The following TRAPPC9 variants were observed in gnomAD, a reference collection of about 807,000 sequenced individuals.
TRAPPC9 encodes the protein IKK2 binding protein.
A neutral mutation model predicts 124.0 loss-of-function variants in TRAPPC9; 83 were observed. The ratio of observed to expected loss-of-function variants is 0.67; its 90% CI spans 0.56 to 0.80. TRAPPC9 has a LOEUF of 0.80. Ranked by LOEUF, TRAPPC9 falls within the 30% of genes least tolerant of loss-of-function variation. The probability of loss-of-function intolerance (pLI) is 0.00; values close to 1 mark genes in which losing one functional copy is unlikely to be tolerated. For synonymous variants in TRAPPC9, 638 were observed against 617.5 expected (o/e 1.03, Z -0.49); for missense variants, 1,302 against 1,508.3 (o/e 0.86, Z 2.27).
intron 19 of TRAPPC9, among the ~76,000 whole-genome samples, chr8:139,913,614 G>A (rs979499372): frequency 2.0e-5 from 3 of 152,164 alleles, no homozygotes; most frequent in African/African-American, 4.8e-5. Flanking sequence ...TTGTGTTAAC[G>A]GCCAACTGCT....
chr8:139,842,746 C>T (rs374929322), intron 21 of TRAPPC9, among the ~76,000 whole-genome samples: 38 of 152,290 alleles, frequency 2.5e-4, no homozygotes, highest in South Asian at 2.5e-3. Flanking sequence ...TGCCCATAGA[C>T]GGGCTCAGGG....
chr8:140,196,977 T>TGA (rs77134414), intron 17 of TRAPPC9, among the ~76,000 whole-genome samples: 3 of 151,990 alleles, frequency 2.0e-5, no homozygotes, highest in African/African-American at 7.2e-5. Context: ...AAATGTCATT[T>TGA]TATCTTTTAT....
chr8:140,335,354 CAT>C (rs1361757288), intron 9 of TRAPPC9, among the ~76,000 whole-genome samples: 3 of 152,134 alleles, frequency 2.0e-5, no homozygotes, highest in African/African-American at 4.8e-5. Flanking sequence ...GAAATCCCCA[CAT>C]GAGAGAAACT....
At chr8:140,115,309 C>T (rs1251616971) in intron 17 of TRAPPC9, among the ~76,000 whole-genome samples, 1 of 151,612 alleles carries the variant, frequency 6.6e-6, no homozygotes, top group East Asian at 1.9e-4. Flanking sequence ...GCTCTGTCGC[C>T]CAGGCTGGAG....
intron 8 of TRAPPC9, among the ~76,000 whole-genome samples, chr8:140,364,045 C>T (rs1049598127): frequency 2.6e-5 from 4 of 151,974 alleles, no homozygotes; most frequent in African/African-American, 9.7e-5. Flanking sequence ...AGGACCTCTC[C>T]GAAGAAATGG....
At chr8:140,267,779 G>C (rs2064733089) in intron 15 of TRAPPC9, among the ~76,000 whole-genome samples, 1 of 152,142 alleles carries the variant, frequency 6.6e-6, no homozygotes, top group South Asian at 2.1e-4. Flanking sequence ...CGATTCTCCT[G>C]CCTCAGCCTC....
At chr8:140,033,677 T>TGTTTTTTTTTTTTTTTTTTTTTTG (rs1473241600) in intron 17 of TRAPPC9, among the ~76,000 whole-genome samples, 1 of 100,240 alleles carries the variant, frequency 1.0e-5, no homozygotes, top group Non-Finnish European at 2.0e-5. Context: ...TTTTTTTTTT[T>TGTTTTTTTTTTTTTTTTTTTTTTG]TTTTTTTTTT....
intron 17 of TRAPPC9, among the ~76,000 whole-genome samples, chr8:140,027,141 C>T (rs1293607356): frequency 1.3e-5 from 2 of 152,198 alleles, no homozygotes; most frequent in African/African-American, 4.8e-5. Flanking sequence ...TTTTCAAACA[C>T]TTCCTGGGTA....
chr8:140,344,317 AAGC>A (rs2132076683), intron 9 of TRAPPC9, among the ~76,000 whole-genome samples: 1 of 152,310 alleles, frequency 6.6e-6, no homozygotes, highest in Admixed American at 6.5e-5. Context: ...TATTTTGTTA[AAGC>A]AACCAGTAAA....
intron 17 of TRAPPC9, among the ~76,000 whole-genome samples, chr8:140,069,705 G>A (rs1227482069): frequency 1.3e-5 from 2 of 152,126 alleles, no homozygotes; most frequent in Non-Finnish European, 2.9e-5. Flanking sequence ...GTGCACATGA[G>A]ACATGAGAGG....
intron 17 of TRAPPC9, among the ~76,000 whole-genome samples, chr8:140,032,067 A>T (rs1452569075): frequency 6.6e-6 from 1 of 152,210 alleles, no homozygotes; most frequent in African/African-American, 2.4e-5. Flanking sequence ...ACCTGCACTT[A>T]CGCTCCAGCC....
At chr8:140,208,022 C>T (rs920380217) in intron 17 of TRAPPC9, among the ~76,000 whole-genome samples, 2 of 151,956 alleles carry the variant, frequency 1.3e-5, no homozygotes, top group African/African-American at 2.4e-5. Flanking sequence ...GTGGTGCACA[C>T]GCATGTAGTC....
intron 16 of TRAPPC9, among the ~76,000 whole-genome samples, chr8:140,221,796 C>T (rs1482621376): frequency 6.6e-6 from 1 of 152,176 alleles, no homozygotes; most frequent in Non-Finnish European, 1.5e-5. Context: ...CGCCACCACA[C>T]CTGGCTAATT....
At chr8:139,784,057 C>T (rs73362164) in intron 21 of TRAPPC9, among the ~76,000 whole-genome samples, 6,005 of 152,280 alleles carry the variant, frequency 0.039, 416 homozygotes, top group African/African-American at 0.14. Flanking sequence ...GGGTAAAAGA[C>T]CCCATGCTTT....
chr8:140,041,631 C>T (rs776049284), intron 17 of TRAPPC9, among the ~76,000 whole-genome samples: 2 of 152,308 alleles, frequency 1.3e-5, no homozygotes, highest in African/African-American at 2.4e-5. Flanking sequence ...GCCCTCATGG[C>T]GGTCACACCA....
At chr8:139,757,269 G>T (rs1484918367) in intron 21 of TRAPPC9, among the ~76,000 whole-genome samples, 1 of 141,138 alleles carries the variant, frequency 7.1e-6, no homozygotes, top group African/African-American at 2.7e-5. Flanking sequence ...AGGACAGCAG[G>T]TTGCAGGAGG....
chr8:139,786,995 A>G (rs937092085), intron 21 of TRAPPC9, among the ~76,000 whole-genome samples: 5 of 152,214 alleles, frequency 3.3e-5, no homozygotes, highest in African/African-American at 1.2e-4. Context: ...TTCAGAACAC[A>G]CCAAATGATA....
intron 21 of TRAPPC9, among the ~76,000 whole-genome samples, chr8:139,829,194 C>T (rs902933502): frequency 4.6e-5 from 7 of 152,240 alleles, no homozygotes; most frequent in African/African-American, 1.4e-4. Flanking sequence ...TGTACGGAGA[C>T]GCCCTTCCGG....
At chr8:140,035,534 C>G (rs1212556645) in intron 17 of TRAPPC9, among the ~76,000 whole-genome samples, 1 of 152,226 alleles carries the variant, frequency 6.6e-6, no homozygotes, top group Non-Finnish European at 1.5e-5. Flanking sequence ...TGGCCGGCCC[C>G]TGCCAGACAC....
Sources: gnomAD v4.1 joint callset for allele counts (sites outside exome capture counted in the v4.1 genomes callset) on GRCh38, gnomAD v4.1.1 for gene constraint, MANE v1.5 for transcripts, NCBI Gene and HGNC (gene_info 2026-07-23, HGNC 2026-07-21) for gene names.